NALCN: variants seen among roughly 807,000 people sequenced by gnomAD.
NALCN encodes sodium leak channel, non-selective, also known as sodium leak channel NALCN.
A neutral mutation model predicts 225.3 loss-of-function variants in NALCN; 111 were observed. That is an observed-to-expected ratio of 0.49 (90% CI 0.42 to 0.58). The LOEUF (loss-of-function observed/expected upper bound fraction) is 0.58. Ranked by LOEUF, NALCN falls within the 20% of genes least tolerant of loss-of-function variation. The pLI is 0.00. For synonymous variants in NALCN, 764 were observed against 769.0 expected, an observed-to-expected ratio of 0.99 and a Z score of 0.11; for missense variants, 1,378 against 2,202.4, an observed-to-expected ratio of 0.63 and a Z score of 7.49.
At chr13:101,061,537 C>T (rs1157218367) in intron 41 of NALCN, among the ~76,000 whole-genome samples, 3 of 151,924 alleles carry the variant, frequency 2.0e-5, no homozygotes, top group South Asian at 2.1e-4. Context: ...ATGTGTGCCA[C>T]GCCTGGTTAA....
In NALCN at chr13:101,388,166, T is replaced by C. The variant is rs184053641; in HGVS notation, c.291+7017A>G. ...GCCATGATGGTAAAAATTTAGTGAGTTGATACATTTAAAGCTTGGTTCAGG... is the reference window on the plus strand; with the variant it reads ...GCCATGATGGTAAAAATTTAGTGAGCTGATACATTTAAAGCTTGGTTCAGG... On this transcript the variant is annotated intron_variant, in intron 3 of 43. Coordinates refer to ENST00000251127, the MANE Select transcript of NALCN (RefSeq NM_052867.4). 1.3e-4 allele frequency among the ~76,000 whole-genome samples: 20 copies of C among 152,280 alleles called. No homozygotes were observed. In the East Asian group the frequency reaches 3.9e-3, roughly 29 times the overall value.
At chr13:101,342,014 G>T (rs985712211) in intron 7 of NALCN, among the ~76,000 whole-genome samples, 1 of 152,194 alleles carries the variant, frequency 6.6e-6, no homozygotes, top group Non-Finnish European at 1.5e-5. Flanking sequence ...CTGCTGTCTT[G>T]CTCTTGGACT....
chr13:101,094,754 G>A (rs1234793132), intron 28 of NALCN, among the ~76,000 whole-genome samples: 1 of 152,158 alleles, frequency 6.6e-6, no homozygotes, highest in African/African-American at 2.4e-5. Flanking sequence ...ATGCCAAAGA[G>A]AGGTAACAGT....
At chr13:101,276,062 C>CAAAAAAA (rs59471123) in intron 10 of NALCN, among the ~76,000 whole-genome samples, 4 of 84,314 alleles carry the variant, frequency 4.7e-5, no homozygotes, top group Non-Finnish European at 4.5e-5. Context: ...GACTCCTTCT[C>CAAAAAAA]AAAAAAAAAA....
chr13:101,222,614 A>G (rs935092735), intron 13 of NALCN, among the ~76,000 whole-genome samples: 11 of 152,186 alleles, frequency 7.2e-5, no homozygotes, highest in Non-Finnish European at 1.2e-4. Context: ...TCTCCCATCT[A>G]GAAGAGTGAT....
chr13:101,228,069 C>T (rs1488777655), intron 13 of NALCN, among the ~76,000 whole-genome samples: 1 of 152,124 alleles, frequency 6.6e-6, no homozygotes, highest in African/African-American at 2.4e-5. Flanking sequence ...TGCTTACCTA[C>T]TGGTTCCTCC....
chr13:101,161,683 C>T (rs570399589), intron 15 of NALCN, among the ~76,000 whole-genome samples: 1 of 152,216 alleles, frequency 6.6e-6, no homozygotes, highest in Admixed American at 6.5e-5. Context: ...ACCAGCCTGG[C>T]CAACATGGTG....
chr13:101,198,224 G>C (rs916056898), intron 13 of NALCN, among the ~76,000 whole-genome samples: 4 of 152,148 alleles, frequency 2.6e-5, no homozygotes, highest in Non-Finnish European at 5.9e-5. Context: ...TCAGGACATA[G>C]GCATGGGCAA....
At chr13:101,376,599 G>T in intron 6 of NALCN, 101 bp downstream of exon 6, 1 of 1,210,798 alleles carries the variant, frequency 8.3e-7, no homozygotes, top group Non-Finnish European at 1.2e-6. Context: ...GAGGACATAA[G>T]CACTGTTTAA....
At chr13:101,182,917 G>A (rs748473259) in intron 14 of NALCN, among the ~76,000 whole-genome samples, 3 of 152,158 alleles carry the variant, frequency 2.0e-5, no homozygotes, top group Non-Finnish European at 4.4e-5. Flanking sequence ...ATGGCAGCTT[G>A]GTGTCCATCA....
intron 7 of NALCN, among the ~76,000 whole-genome samples, chr13:101,337,273 C>CTTT (rs1566590614): frequency 2.3e-3 from 331 of 144,902 alleles, no homozygotes; most frequent in African/African-American, 8.2e-3. Flanking sequence ...CACATTTACT[C>CTTT]TTTATTATTT....
At chr13:101,164,528 C>T (rs1036533267) in intron 15 of NALCN, among the ~76,000 whole-genome samples, 12 of 152,210 alleles carry the variant, frequency 7.9e-5, no homozygotes, top group South Asian at 2.1e-4. Flanking sequence ...TGGGCTCAAG[C>T]GATCCTCCCA....
chr13:101,264,303 T>A (rs1461669697), intron 10 of NALCN, among the ~76,000 whole-genome samples: 1 of 152,194 alleles, frequency 6.6e-6, no homozygotes, highest in Non-Finnish European at 1.5e-5. Flanking sequence ...TTTCCTTTAA[T>A]TGCAATGTCA....
chr13:101,098,087 G>C (rs1680968471), intron 27 of NALCN, among the ~76,000 whole-genome samples: 2 of 152,020 alleles, frequency 1.3e-5, no homozygotes, highest in South Asian at 4.1e-4. Flanking sequence ...TCTACACTGT[G>C]ACCCTTCTTT....
intron 10 of NALCN, among the ~76,000 whole-genome samples, chr13:101,272,682 G>A (rs2042836589): frequency 6.6e-6 from 1 of 152,172 alleles, no homozygotes; most frequent in Admixed American, 6.5e-5. Flanking sequence ...AGCATAATGG[G>A]TTGGTTTGGA....
At chr13:101,095,842 G>T (rs2034473430) in intron 27 of NALCN, among the ~76,000 whole-genome samples, 162 bp from the exon 28 acceptor site, 1 of 152,120 alleles carries the variant, frequency 6.6e-6, no homozygotes, top group African/African-American at 2.4e-5. Context: ...AAAGACTTTG[G>T]AGACAGGCAG....
chr13:101,280,088 T>C (rs2043117301), intron 10 of NALCN, among the ~76,000 whole-genome samples: 3 of 152,150 alleles, frequency 2.0e-5, no homozygotes, highest in Non-Finnish European at 4.4e-5. Context: ...ATTATTTTCT[T>C]GCTGAGACAT....
intron 11 of NALCN, among the ~76,000 whole-genome samples, chr13:101,248,149 T>C (rs998142327): frequency 2.0e-5 from 3 of 152,172 alleles, no homozygotes; most frequent in Non-Finnish European, 4.4e-5. Flanking sequence ...ATCTTTATAA[T>C]AGAATGATTT....
chr13:101,114,336 GCTTT>G (rs1181158061), intron 18 of NALCN, among the ~76,000 whole-genome samples: 1 of 151,964 alleles, frequency 6.6e-6, no homozygotes. Flanking sequence ...AAACATCAAC[GCTTT>G]CTTTGAATTT....
Sources: allele counts gnomAD v4.1 joint callset (sites outside exome capture counted in the v4.1 genomes callset), GRCh38; gene constraint gnomAD v4.1.1; transcripts MANE v1.5; gene names NCBI Gene and HGNC (gene_info 2026-07-23, HGNC 2026-07-21).